Variants in PTPRD observed in about 807,000 individuals in gnomAD.
PTPRD encodes the protein receptor-type tyrosine-protein phosphatase delta.
In PTPRD, 34 loss-of-function variants were observed where a neutral mutation model predicts 214.5. That is an observed-to-expected ratio of 0.16 (90% CI 0.12 to 0.21). PTPRD has a LOEUF of 0.21. PTPRD is among the 10% of genes least tolerant of loss of function. PTPRD has a pLI of 1.00. For missense variants in PTPRD, 2,545 were observed against 2,398.7 expected, an observed-to-expected ratio of 1.06 and a Z score of -1.27; for synonymous variants, 1,128 against 845.7, an observed-to-expected ratio of 1.33 and a Z score of -5.79.
At chr9:9,023,130 T>C (rs2154371055) in intron 10 of PTPRD, among the ~76,000 whole-genome samples, 1 of 152,250 alleles carries the variant, frequency 6.6e-6, no homozygotes, top group South Asian at 2.1e-4. Context: ...TGGGATAAAG[T>C]GCACACAAAT....
rs78749456 is a variant in PTPRD at position 8,649,959 on chromosome 9, C to T, written c.65-13115G>A. Among the ~76,000 whole-genome samples the T allele has an allele frequency of 8.8e-3, 1,341 of 152,100 alleles. 15 individuals carry two copies. Among genetic ancestry groups the T allele is most frequent in the African/African-American group, 0.031 (1,284 of 41,488 alleles). On this transcript the variant is annotated intron_variant, in intron 12 of 45. Coordinates refer to ENST00000381196, the MANE Select transcript of PTPRD (RefSeq NM_002839.4). The stretch of plus-strand genomic sequence containing the variant: ...TTGAGACAGGGTTTTACTCTGTTGC[C>T]TAGGCTGGACTGCAGTTGCATAATC...
intron 2 of PTPRD, among the ~76,000 whole-genome samples, chr9:10,395,720 G>T (rs2098155755): frequency 6.6e-6 from 1 of 151,896 alleles, no homozygotes; most frequent in Non-Finnish European, 1.5e-5. Flanking sequence ...GGCCAAATAA[G>T]TTCTCCCTTC....
chr9:9,837,073 T>C (rs994764924), intron 5 of PTPRD, among the ~76,000 whole-genome samples: 4 of 152,102 alleles, frequency 2.6e-5, no homozygotes, highest in African/African-American at 9.7e-5. Context: ...CTACATACAT[T>C]CTTTTCCCTA....
At chr9:8,620,306 A>C (rs569971157) in intron 14 of PTPRD, among the ~76,000 whole-genome samples, 1 of 152,090 alleles carries the variant, frequency 6.6e-6, no homozygotes, top group Non-Finnish European at 1.5e-5. Context: ...GCTTTAAAGA[A>C]GAAGCCTAAA....
chr9:9,109,068 G>C (rs748918384), intron 10 of PTPRD, among the ~76,000 whole-genome samples: 1 of 152,130 alleles, frequency 6.6e-6, no homozygotes, highest in East Asian at 1.9e-4. Flanking sequence ...ATATGGGGAT[G>C]GGGTGGTGAA....
intron 9 of PTPRD, among the ~76,000 whole-genome samples, chr9:9,379,908 A>T (rs2061722673): frequency 6.6e-6 from 1 of 151,950 alleles, no homozygotes; most frequent in Non-Finnish European, 1.5e-5. Context: ...TTAGTTGCTT[A>T]TTAGTTCTAG....
chr9:9,912,563 C>T (rs866104452), intron 5 of PTPRD, among the ~76,000 whole-genome samples: 21 of 152,104 alleles, frequency 1.4e-4, no homozygotes, highest in South Asian at 4.1e-4. Flanking sequence ...TAATGAAGCT[C>T]CCCTGAGAGA....
At chr9:8,351,090 A>G (rs1480253041) in intron 39 of PTPRD, among the ~76,000 whole-genome samples, 1 of 152,220 alleles carries the variant, frequency 6.6e-6, no homozygotes. Context: ...CTAGTTGAAT[A>G]AACTATGGTA....
chr9:9,236,726 C>T (rs375727820), intron 9 of PTPRD, among the ~76,000 whole-genome samples: 74 of 151,782 alleles, frequency 4.9e-4, no homozygotes, highest in Middle Eastern at 3.4e-3. Flanking sequence ...TTTAACACTC[C>T]GTCTATTGGG....
chr9:10,387,168 G>A (rs964542408), intron 2 of PTPRD, among the ~76,000 whole-genome samples: 1 of 151,848 alleles, frequency 6.6e-6, no homozygotes, highest in African/African-American at 2.4e-5. Flanking sequence ...CTCACCAAAT[G>A]TAAGGTAATA....
intron 2 of PTPRD, among the ~76,000 whole-genome samples, chr9:10,443,688 G>T (rs2154524106): frequency 6.6e-6 from 1 of 151,290 alleles, no homozygotes; most frequent in African/African-American, 2.4e-5. Context: ...GCTTTCCCAT[G>T]AGGTCTGCTT....
intron 4 of PTPRD, among the ~76,000 whole-genome samples, chr9:10,017,127 CT>C (rs1417060327): frequency 6.6e-6 from 1 of 152,182 alleles, no homozygotes; most frequent in Non-Finnish European, 1.5e-5. Context: ...CACATGTTTA[CT>C]AACAAGTAGT....
chr9:8,687,237 A>G (rs2097698957), intron 12 of PTPRD, among the ~76,000 whole-genome samples: 3 of 152,194 alleles, frequency 2.0e-5, no homozygotes, highest in Non-Finnish European at 4.4e-5. Flanking sequence ...AAACAAGCTT[A>G]TCCTACATTT....
chr9:8,501,108 T>C, intron 23 of PTPRD, 49 bp from the exon 24 acceptor site: 1 of 1,388,408 alleles, frequency 7.2e-7, no homozygotes, highest in Non-Finnish European at 9.8e-7. Context: ...AGGACAGGAG[T>C]GGTTGAAAAA....
intron 11 of PTPRD, among the ~76,000 whole-genome samples, chr9:8,800,341 A>G (rs1189433483): frequency 6.6e-6 from 1 of 152,188 alleles, no homozygotes; most frequent in African/African-American, 2.4e-5. Flanking sequence ...GCTGGGTAAA[A>G]CAATGCTGAG....
intron 11 of PTPRD, among the ~76,000 whole-genome samples, chr9:8,981,596 C>G (rs1431652643): frequency 6.6e-6 from 1 of 151,854 alleles, no homozygotes; most frequent in African/African-American, 2.4e-5. Context: ...CTTATTTTTT[C>G]TGTTAATACA....
chr9:8,330,671 G>A (rs1839469727), intron 44 of PTPRD, among the ~76,000 whole-genome samples: 1 of 151,026 alleles, frequency 6.6e-6, no homozygotes, highest in Non-Finnish European at 1.5e-5. Flanking sequence ...GATAACTGAA[G>A]TCCAGAGAAA....
intron 11 of PTPRD, among the ~76,000 whole-genome samples, chr9:8,798,709 T>A (rs554223493): frequency 6.6e-6 from 1 of 152,326 alleles, no homozygotes; most frequent in East Asian, 1.9e-4. Flanking sequence ...AAGAAAGCTG[T>A]GCCTTCTTGA....
chr9:10,419,674 C>T lies in PTPRD; in HGVS notation c.-599-78657G>A, dbSNP rs1379878007. ...ACACTTAGTCTGATCTCTTGGTTGTCTTCATCTTATGAAGTGCCAATGAAG... is the reference window on the plus strand; with the variant it reads ...ACACTTAGTCTGATCTCTTGGTTGTTTTCATCTTATGAAGTGCCAATGAAG... On this transcript the variant is annotated intron_variant, in intron 2 of 45. Transcript: ENST00000381196. Among the ~76,000 whole-genome samples, 16 of 151,750 alleles carry T rather than the reference C, an allele frequency of 1.1e-4. No homozygotes were observed. In the South Asian group the frequency reaches 1.5e-3, roughly 14 times the overall value.
Sources: gnomAD v4.1 joint callset for allele counts (sites outside exome capture counted in the v4.1 genomes callset) on GRCh38, gnomAD v4.1.1 for gene constraint, MANE v1.5 for transcripts, NCBI Gene and HGNC (gene_info 2026-07-23, HGNC 2026-07-21) for gene names.